HNRNPC: variants seen among roughly 807,000 people sequenced by gnomAD.
HNRNPC encodes the protein heterogeneous nuclear ribonucleoproteins C1/C2.
Under a neutral mutation model 33.2 loss-of-function variants are expected in HNRNPC, and 3 were observed. The ratio of observed to expected loss-of-function variants is 0.09; its 90% CI spans 0.04 to 0.23. The LOEUF (loss-of-function observed/expected upper bound fraction) is 0.23, where lower values mean the gene tolerates loss of function less well. Ranked by LOEUF, HNRNPC falls within the 10% of genes least tolerant of loss-of-function variation. HNRNPC has a pLI of 1.00. For missense variants in HNRNPC, 143 were observed against 366.7 expected, an observed-to-expected ratio of 0.39 and a Z score of 4.98; for synonymous variants, 121 against 126.7, an observed-to-expected ratio of 0.96 and a Z score of 0.30.
intron 2 of HNRNPC, among the ~76,000 whole-genome samples, chr14:21,246,582 A>G (rs1427376829): frequency 1.3e-5 from 2 of 151,676 alleles, no homozygotes; most frequent in African/African-American, 2.4e-5. Context: ...AAAAAAAAAA[A>G]GTCGTCTTAT....
intron 1 of HNRNPC, chr14:21,263,673 A>G (rs752645330): frequency 6.6e-6 from 1 of 152,144 alleles, no homozygotes; most frequent in East Asian, 1.9e-4. Flanking sequence ...ACACCTGTAC[A>G]TTTGCTGTAG....
chr14:21,211,702 A>C lies in HNRNPC; in HGVS notation c.637+108T>G, dbSNP rs1191305647. On this transcript the variant is annotated intron_variant, in intron 7 of 8. Coordinates refer to ENST00000553300, the MANE Select transcript of HNRNPC (RefSeq NM_004500.4). ...ATACCCTTCCCAATTCACACTCCCC[A>C]AGTTTCATATTACATTGCTTTATAT... is the stretch of plus-strand genomic sequence containing the variant. The C allele has an allele frequency of 5.0e-6, 7 of 1,405,438 alleles. No homozygotes were observed. The South Asian group carries it at 7.4e-5, about 15-fold the overall frequency. The allele number at this position is 1,405,438 out of a possible 1,614,324, so 87.1% of individuals were successfully genotyped here. A position where few individuals can be genotyped will look rare whatever the true frequency, so the allele number is the denominator to read the frequency against.
intron 1 of HNRNPC, among the ~76,000 whole-genome samples, chr14:21,266,983 C>G (rs1594349627): frequency 6.6e-6 from 1 of 151,050 alleles, no homozygotes; most frequent in East Asian, 2.0e-4. Context: ...CCCAGCTACT[C>G]GGGAAGCCGA....
At chr14:21,241,804 C>T (rs1487444985) in intron 2 of HNRNPC, among the ~76,000 whole-genome samples, 5 of 152,202 alleles carry the variant, frequency 3.3e-5, no homozygotes, top group Non-Finnish European at 5.9e-5. Flanking sequence ...AAGGTAAATA[C>T]TGTGAGAGTA....
chr14:21,258,690 T>A (rs984381771), intron 2 of HNRNPC, among the ~76,000 whole-genome samples: 1 of 152,218 alleles, frequency 6.6e-6, no homozygotes, highest in Non-Finnish European at 1.5e-5. Context: ...TGCTACTTTT[T>A]TCTGCCAAAT....
At position 21,247,239 on chromosome 14, in the gene HNRNPC, T is replaced by TCTTC. The variant is rs535752144; in HGVS notation, c.-36-13011_-36-13010insGAAG. On this transcript the variant is annotated intron_variant, in intron 2 of 8. Coordinates refer to ENST00000553300, the MANE Select transcript of HNRNPC (RefSeq NM_004500.4). ...CTTAGCAGTTCGTATTTCATCCTCT[T>TCTTC]CTACCTAGTTCATAATCACTAAAGA... Among the ~76,000 whole-genome samples, 362 of 152,136 alleles carry TCTTC rather than the reference T, an allele frequency of 2.4e-3. 2 individuals are homozygous for TCTTC. The highest frequency in any genetic ancestry group is 6.9e-3 in the African/African-American group (285 of 41,390).
At chr14:21,234,964 G>A (rs912941592) in intron 2 of HNRNPC, 2 of 151,718 alleles carry the variant, frequency 1.3e-5, no homozygotes, top group African/African-American at 4.8e-5. Context: ...TAATAATATC[G>A]GATGGTGATG....
Position 21,209,332 on chromosome 14 carries a change from C to A in HNRNPC, c.*1891G>T, listed in dbSNP as rs1043426715. 5.3e-5 allele frequency: 8 copies of A among 152,164 alleles called. No homozygotes were observed. Among genetic ancestry groups the A allele is most frequent in the Non-Finnish European group, 1.0e-4 (7 of 68,026 alleles). The allele number at this position is 152,164 out of a possible 1,614,324, so 9.4% of individuals were successfully genotyped here. On this transcript the variant is annotated 3_prime_UTR_variant, in exon 9 of 9. Transcript: ENST00000553300. ...CCTACAGTGAAGGGAAAAGTAGACA[C>A]TTGATTGTGGACTAATTTGTTCAGT...
chr14:21,211,977 T>G (rs1362979124), intron 6 of HNRNPC, 54 bp from the exon 7 acceptor site: 1 of 1,353,488 alleles, frequency 7.4e-7, no homozygotes, highest in East Asian at 2.3e-5. Context: ...AGATATGAGT[T>G]AGCAAATACA....
intron 2 of HNRNPC, among the ~76,000 whole-genome samples, chr14:21,250,587 T>C (rs571113968): frequency 2.0e-5 from 3 of 152,166 alleles, no homozygotes; most frequent in Non-Finnish European, 2.9e-5. Flanking sequence ...GAACAGCATA[T>C]GTATCTCCAG....
chr14:21,229,588 C>T (rs1160659213), intron 5 of HNRNPC, among the ~76,000 whole-genome samples: 1 of 152,146 alleles, frequency 6.6e-6, no homozygotes, highest in Non-Finnish European at 1.5e-5. Context: ...TCTATACTTT[C>T]ATGTCTGACA....
intron 5 of HNRNPC, among the ~76,000 whole-genome samples, chr14:21,223,765 CAA>C (rs1293922789): frequency 6.6e-6 from 1 of 151,998 alleles, no homozygotes; most frequent in Non-Finnish European, 1.5e-5. Flanking sequence ...AAAAAACAAA[CAA>C]AAAAGACTAA....
At chr14:21,234,726 A>T (rs1200011298) in intron 2 of HNRNPC, 1 of 153,296 alleles carries the variant, frequency 6.5e-6, no homozygotes, top group African/African-American at 2.4e-5. Flanking sequence ...ATTCTGTCCC[A>T]AGCCATTCAT....
At chr14:21,258,382 T>A (rs967966831) in intron 2 of HNRNPC, among the ~76,000 whole-genome samples, 1 of 146,700 alleles carries the variant, frequency 6.8e-6, no homozygotes, top group South Asian at 2.2e-4. Context: ...AGAGCGAGAC[T>A]ATGTCTCAAA....
At chr14:21,249,600 A>G (rs1057134671) in intron 2 of HNRNPC, among the ~76,000 whole-genome samples, 2 of 145,218 alleles carry the variant, frequency 1.4e-5, no homozygotes, top group Non-Finnish European at 3.0e-5. Context: ...AAACAAAAAA[A>G]AAAAAAAAAA....
intron 2 of HNRNPC, among the ~76,000 whole-genome samples, chr14:21,250,508 G>A (rs922496260): frequency 2.6e-5 from 4 of 152,174 alleles, no homozygotes; most frequent in Non-Finnish European, 5.9e-5. Flanking sequence ...TCATAACCAA[G>A]AATGGTTATA....
chr14:21,238,115 G>A (rs1433950661), intron 2 of HNRNPC, among the ~76,000 whole-genome samples: 1 of 152,112 alleles, frequency 6.6e-6, no homozygotes, highest in Non-Finnish European at 1.5e-5. Context: ...CATCTGGAAG[G>A]TGTAAAAACC....
intron 2 of HNRNPC, among the ~76,000 whole-genome samples, chr14:21,243,775 T>A (rs920007675): frequency 1.3e-5 from 2 of 152,212 alleles, no homozygotes; most frequent in African/African-American, 2.4e-5. Context: ...CTGAATCTTT[T>A]ATATAAATCT....
At chr14:21,268,458 T>C (rs939795288) in intron 1 of HNRNPC, among the ~76,000 whole-genome samples, 1 of 152,196 alleles carries the variant, frequency 6.6e-6, no homozygotes, top group Admixed American at 6.6e-5. Flanking sequence ...TGCAATACAG[T>C]AGTTTTAGAA....
Sources: allele counts gnomAD v4.1 joint callset (sites outside exome capture counted in the v4.1 genomes callset), GRCh38; gene constraint gnomAD v4.1.1; transcripts MANE v1.5; gene names NCBI Gene and HGNC (gene_info 2026-07-23, HGNC 2026-07-21).